The following FAM76A variants were observed in gnomAD, a reference collection of about 807,000 sequenced individuals.
FAM76A encodes protein FAM76A.
Under a neutral mutation model 46.2 loss-of-function variants are expected in FAM76A, and 32 were observed. The ratio of observed to expected loss-of-function variants is 0.69; its 90% CI spans 0.52 to 0.93. The LOEUF is 0.93. Among genes scored for constraint, FAM76A ranks in the 40% least tolerant of loss-of-function variants. FAM76A has a pLI of 0.00. For missense variants in FAM76A, 274 were observed against 361.5 expected, an observed-to-expected ratio of 0.76 and a Z score of 1.96; for synonymous variants, 137 against 127.0, an observed-to-expected ratio of 1.08 and a Z score of -0.53.
chr1:27,734,123 C>G lies in FAM76A; in HGVS notation c.294C>G (p.Pro98=), dbSNP rs2088004694. The change falls in exon 4 of 9, where the codon CCC becomes CCG. Residue 98 remains proline, a synonymous_variant. Coordinates refer to ENST00000373954, the MANE Select transcript of FAM76A (RefSeq NM_152660.3). ...CTNSEKKYGP[P]YSCEQCKQQC... ...ATTCAGAAAAGAAGTATGGACCACCCTATTCTTGTGAACAGTGCAAGCAGC... is the reference window on the plus strand; with the variant it reads ...ATTCAGAAAAGAAGTATGGACCACCGTATTCTTGTGAACAGTGCAAGCAGC... The G allele has an allele frequency of 6.2e-7, 1 of 1,612,712 alleles. No homozygotes were observed. The highest frequency in any genetic ancestry group is 8.5e-7 in the Non-Finnish European group (1 of 1,179,762).
intron 2 of FAM76A, 142 bp from the exon 3 acceptor site, chr1:27,732,461 A>G (rs2087975611): frequency 3.8e-6 from 2 of 531,818 alleles, no homozygotes; most frequent in Admixed American, 3.0e-5. Context: ...GAGTTATTAG[A>G]AAGGTACTCA....
chr1:27,726,303 T>G (rs2148561298), intron 1 of FAM76A, 142 bp downstream of exon 1: 46 of 656,606 alleles, frequency 7.0e-5, no homozygotes, highest in East Asian at 1.7e-4. Flanking sequence ...CCCACCCCGC[T>G]GGGGGCCGGC....
intron 2 of FAM76A, among the ~76,000 whole-genome samples, chr1:27,728,821 G>A (rs1382360331): frequency 6.6e-6 from 1 of 152,064 alleles, no homozygotes; most frequent in African/African-American, 2.4e-5. Context: ...AAAATTACCT[G>A]GGTGTGGTGG....
chr1:27,744,884 G>T, intron 5 of FAM76A, 73 bp downstream of exon 5: 1 of 1,420,242 alleles, frequency 7.0e-7, no homozygotes, highest in East Asian at 2.3e-5. Flanking sequence ...AACCATCATG[G>T]TACATACTAC....
chr1:27,757,188 CTTTTTTTT>C (rs1182814614), intron 7 of FAM76A, among the ~76,000 whole-genome samples: 2 of 81,634 alleles, frequency 2.4e-5, no homozygotes, highest in Non-Finnish European at 4.3e-5. Flanking sequence ...CTCATTTATT[CTTTTTTTT>C]TTTTTTTTTT....
At chr1:27,752,209 T>G (rs964612630) in intron 6 of FAM76A, among the ~76,000 whole-genome samples, 1 of 152,232 alleles carries the variant, frequency 6.6e-6, no homozygotes, top group Non-Finnish European at 1.5e-5. Context: ...TATTTAATAT[T>G]GAGTTATGTT....
intron 2 of FAM76A, among the ~76,000 whole-genome samples, chr1:27,728,086 G>A (rs766615236): frequency 6.4e-4 from 98 of 152,066 alleles, no homozygotes; most frequent in Middle Eastern, 3.2e-3. Flanking sequence ...GATTACAGGC[G>A]TGAGCCACCA....
rs142617041 is a variant in FAM76A, at chr1:27,752,131, A to T, written c.599+2977A>T. 3.0e-3 allele frequency among the ~76,000 whole-genome samples: 455 copies of T among 152,078 alleles called. 4 individuals carry two copies. Among genetic ancestry groups the T allele is most frequent in the African/African-American group, 0.01 (428 of 41,488 alleles). On this transcript the variant is annotated intron_variant, in intron 6 of 8. Transcript: ENST00000373954. The stretch of plus-strand genomic sequence containing the variant: ...TCTTATTCTTTTATTTTTATTCCCC[A>T]TGTTTTCTGCAAGTTGCTGCCTAAT...
chr1:27,725,998 A>T lies in FAM76A; in HGVS notation c.-83A>T. The T allele has an allele frequency of 1.8e-6, 2 of 1,120,870 alleles. No individual in the cohort carries two copies. The highest frequency in any genetic ancestry group is 2.2e-6 in the Non-Finnish European group (2 of 890,674). 69.4% of individuals were successfully genotyped at this position (1,120,870 alleles called of 1,614,324 possible). On this transcript the variant is annotated 5_prime_UTR_variant, in exon 1 of 9. Transcript: ENST00000373954. ...CCGCCTGCCGCAGCCAGCAGCCTGC[A>T]GCCGCCGCCGGGTTGTGCCTCAGAC...
At chr1:27,745,674 G>A (rs570278062) in intron 5 of FAM76A, among the ~76,000 whole-genome samples, 11 of 152,284 alleles carry the variant, frequency 7.2e-5, no homozygotes, top group African/African-American at 2.4e-4. Flanking sequence ...GCAGACATGA[G>A]GGTAGTAATT....
At chr1:27,746,474 G>A (rs1571488294) in intron 5 of FAM76A, among the ~76,000 whole-genome samples, 1 of 152,172 alleles carries the variant, frequency 6.6e-6, no homozygotes, top group East Asian at 1.9e-4. Context: ...CGTAATCCCA[G>A]CACTTTGGGA....
intron 4 of FAM76A, among the ~76,000 whole-genome samples, chr1:27,743,264 C>T (rs2088185124): frequency 6.6e-6 from 1 of 152,108 alleles, no homozygotes; most frequent in South Asian, 2.1e-4. Flanking sequence ...GATTCTCCCA[C>T]CTCAGCCTCC....
chr1:27,755,503 C>G (rs2148586366), intron 7 of FAM76A, among the ~76,000 whole-genome samples, 173 bp downstream of exon 7: 1 of 152,246 alleles, frequency 6.6e-6, no homozygotes, highest in East Asian at 1.9e-4. Flanking sequence ...TGGCATTACT[C>G]CAGTCAGTTG....
At chr1:27,748,326 G>A (rs1190929063) in intron 5 of FAM76A, among the ~76,000 whole-genome samples, 1 of 151,678 alleles carries the variant, frequency 6.6e-6, no homozygotes, top group Non-Finnish European at 1.5e-5. Context: ...GGGTTTTACA[G>A]TGTTAGCCAG....
At chr1:27,748,928 ATTCT>A in intron 5 of FAM76A, 136 bp from the exon 6 acceptor site, 1 of 568,524 alleles carries the variant, frequency 1.8e-6, no homozygotes, top group Non-Finnish European at 3.1e-6. Context: ...ACCTTGGTAG[ATTCT>A]TTATTAATCA....
rs2088517869 is a variant in FAM76A, at chr1:27,762,015, T to C, written c.*1434T>C. The C allele has an allele frequency of 6.7e-6, 1 of 150,172 alleles. No homozygotes were observed. The highest frequency in any genetic ancestry group is 1.5e-5 in the Non-Finnish European group (1 of 67,842). The allele number at this position is 150,172 out of a possible 1,614,324, so 9.3% of individuals were successfully genotyped here. A position where few individuals can be genotyped will look rare whatever the true frequency, so the allele number is the denominator to read the frequency against. Reference sequence around the variant, plus strand: ...TTTGAACTACAGAGCATTTTTGGGGTCAGCATGAGCTGCTCTAGTAAGGAC... The same window carrying C: ...TTTGAACTACAGAGCATTTTTGGGGCCAGCATGAGCTGCTCTAGTAAGGAC... On this transcript the variant is annotated 3_prime_UTR_variant, in exon 9 of 9. Coordinates refer to ENST00000373954, the MANE Select transcript of FAM76A (RefSeq NM_152660.3).
In FAM76A at chr1:27,730,681, A is replaced by G. The variant is rs2087942442; in HGVS notation, c.147-1922A>G. On this transcript the variant is annotated intron_variant, in intron 2 of 8. Transcript: ENST00000373954. The stretch of plus-strand genomic sequence containing the variant: ...CTTATTTTACTGTCTTTTAAAAGTA[A>G]CAGAAAATTGCCCTGAAAAATAATT... Among the ~76,000 whole-genome samples the G allele has an allele frequency of 2.0e-5, 3 of 152,206 alleles. No individual in the cohort carries two copies. In the South Asian group the frequency reaches 6.2e-4, roughly 31 times the overall value.
At chr1:27,753,532 T>C (rs1357468769) in intron 6 of FAM76A, among the ~76,000 whole-genome samples, 1 of 152,242 alleles carries the variant, frequency 6.6e-6, no homozygotes, top group Non-Finnish European at 1.5e-5. Flanking sequence ...TTTGCATTTA[T>C]TTTTGTTATG....
chr1:27,737,669 T>C (rs1465256064), intron 4 of FAM76A, among the ~76,000 whole-genome samples: 2 of 151,974 alleles, frequency 1.3e-5, no homozygotes, highest in African/African-American at 4.8e-5. Context: ...CTGGCCAACA[T>C]GGTGAAACAC....
Sources: allele counts gnomAD v4.1 joint callset (sites outside exome capture counted in the v4.1 genomes callset), GRCh38; gene constraint gnomAD v4.1.1; transcripts MANE v1.5; gene names NCBI Gene and HGNC (gene_info 2026-07-23, HGNC 2026-07-21).